Variants in ZPBP observed in about 807,000 individuals in gnomAD.
ZPBP encodes the protein zona pellucida-binding protein 1.
ZPBP carries 26 observed loss-of-function variants against 44.8 expected under a neutral mutation model. The observed-to-expected ratio is 0.58, with a 90% CI of 0.43 to 0.81. The LOEUF is 0.81. Among genes scored for constraint, ZPBP ranks in the 30% least tolerant of loss-of-function variants. The pLI, the probability that ZPBP is intolerant of heterozygous loss-of-function variation, is 0.00. For synonymous variants in ZPBP, 174 were observed against 153.2 expected (o/e 1.14, Z -1.00); for missense variants, 409 against 434.0 (o/e 0.94, Z 0.51).
rs576387344 is a variant in ZPBP, at chr7:50,076,036, G to T, written c.334+5738C>A. Among the ~76,000 whole-genome samples the T allele has an allele frequency of 3.3e-5, 5 of 151,596 alleles. No homozygotes were observed. In the South Asian group the frequency reaches 1.0e-3, roughly 31 times the overall value. On this transcript the variant is annotated intron_variant, in intron 3 of 7. Transcript: ENST00000046087. The stretch of plus-strand genomic sequence containing the variant: ...ACTAGCAAACTGAATTCAACAAAAG[G>T]TTAGAAAGATCATTTATCATTACCA...
chr7:49,994,857 C>T (rs556511053), intron 6 of ZPBP, among the ~76,000 whole-genome samples: 26 of 152,220 alleles, frequency 1.7e-4, no homozygotes, highest in African/African-American at 6.3e-4. Context: ...GTTCTGGGCC[C>T]ATCAAACCTA....
Position 50,053,362 on chromosome 7 carries a change from T to C in ZPBP, c.487+4627A>G, listed in dbSNP as rs139842077. 1.1e-4 allele frequency among the ~76,000 whole-genome samples: 16 copies of C among 152,300 alleles called. No individual in the cohort carries two copies. The East Asian group carries it at 2.5e-3, about 24-fold the overall frequency. On this transcript the variant is annotated intron_variant, in intron 4 of 7. Transcript: ENST00000046087. ...CCTTAAATTATTGAAAACTTAGTAA[T>C]TGCTGAACATATAATAACCTTTCCT... is the stretch of plus-strand genomic sequence containing the variant.
intron 2 of ZPBP, among the ~76,000 whole-genome samples, chr7:50,089,346 C>A (rs979534307): frequency 6.6e-6 from 1 of 152,034 alleles, no homozygotes; most frequent in Non-Finnish European, 1.5e-5. Flanking sequence ...GCACTATATA[C>A]ATTTAATATT....
intron 5 of ZPBP, among the ~76,000 whole-genome samples, chr7:50,028,597 A>T (rs1398302865): frequency 6.6e-6 from 1 of 151,496 alleles, no homozygotes; most frequent in African/African-American, 2.4e-5. Flanking sequence ...GATTTCACAC[A>T]CACAAAAAAA....
At chr7:50,049,376 A>G (rs1800569767) in intron 4 of ZPBP, among the ~76,000 whole-genome samples, 1 of 152,076 alleles carries the variant, frequency 6.6e-6, no homozygotes, top group Non-Finnish European at 1.5e-5. Flanking sequence ...ATATACCAGT[A>G]TCTCTTATGA....
At chr7:49,949,148 G>A (rs936811587) in intron 7 of ZPBP, among the ~76,000 whole-genome samples, 2 of 152,128 alleles carry the variant, frequency 1.3e-5, no homozygotes, top group Admixed American at 1.3e-4. Context: ...AATACCAGAA[G>A]GTGGCTGTCT....
At chr7:50,018,122 G>T (rs911673920) in intron 6 of ZPBP, 118 bp downstream of exon 6, 5 of 726,300 alleles carry the variant, frequency 6.9e-6, no homozygotes, top group African/African-American at 5.3e-5. Context: ...TATTTTTATT[G>T]TTGAAATCCT....
At chr7:50,067,149 T>C (rs1250018238) in intron 3 of ZPBP, among the ~76,000 whole-genome samples, 1 of 152,112 alleles carries the variant, frequency 6.6e-6, no homozygotes, top group African/African-American at 2.4e-5. Context: ...TAACCATGCA[T>C]CTTTTGCATG....
Position 49,937,586 on chromosome 7 carries a change from C to T in ZPBP, c.998G>A (p.Gly333Glu), listed in dbSNP as rs1237274686. ...CSPGSYNPRDGIHCLQCNSSL... is the reference protein window; with the variant it reads ...CSPGSYNPRDEIHCLQCNSSL... ...GCTATTGCATTGAAGGCAATGAATT[C>T]CATCACGGGGGTTATATGATCCAGG... Residue 333 changes from glycine (G) to glutamate (E), a missense_variant, in exon 8 of 8, where the codon GGA (glycine) becomes GAA (glutamate). This residue lies in a region of ZPBP where 42 missense variants were observed against 71.0 expected (regional missense o/e 0.59). Transcript: ENST00000046087. 1.2e-6 allele frequency: 2 copies of T among 1,613,696 alleles called. No homozygotes were observed. Among genetic ancestry groups the T allele is most frequent in the African/African-American group, 1.3e-5 (1 of 74,864 alleles).
In ZPBP at chr7:50,021,026, G is replaced by T. The variant is rs1331624849; in HGVS notation, c.707-2710C>A. 2.0e-5 allele frequency among the ~76,000 whole-genome samples: 3 copies of T among 151,884 alleles called. No individual in the cohort carries two copies. The East Asian group carries it at 5.8e-4, about 29-fold the overall frequency. The stretch of plus-strand genomic sequence containing the variant: ...AAACAACTACAACTCATACAAGCAA[G>T]AAACATACACACTGAAGAGGCAGAA... On this transcript the variant is annotated intron_variant, in intron 5 of 7. Coordinates refer to ENST00000046087, the MANE Select transcript of ZPBP (RefSeq NM_007009.3).
At chr7:49,878,150 A>G (rs949269038) in intron 2 of ZPBP, among the ~76,000 whole-genome samples, 1 of 151,962 alleles carries the variant, frequency 6.6e-6, no homozygotes, top group Non-Finnish European at 1.5e-5. Flanking sequence ...CCTGGGCCAC[A>G]CTCAGGCTTC....
chr7:50,065,647 T>C (rs1801467987), intron 3 of ZPBP, among the ~76,000 whole-genome samples: 1 of 150,860 alleles, frequency 6.6e-6, no homozygotes, highest in Admixed American at 6.6e-5. Context: ...GCCACTGGTC[T>C]CCCATTTTTG....
At chr7:49,886,051 G>A (rs2128728724) in intron 2 of ZPBP, among the ~76,000 whole-genome samples, 1 of 152,356 alleles carries the variant, frequency 6.6e-6, no homozygotes, top group South Asian at 2.1e-4. Context: ...AAAGCAGTGT[G>A]TGCAAGAGCC....
chr7:49,877,866 A>G (rs1228915060), intron 2 of ZPBP, among the ~76,000 whole-genome samples: 2 of 151,968 alleles, frequency 1.3e-5, no homozygotes, highest in African/African-American at 2.4e-5. Context: ...AGCAACTGCC[A>G]CTTTGTCATC....
chr7:49,962,975 G>GA (rs1795914892), intron 7 of ZPBP, among the ~76,000 whole-genome samples: 1 of 151,298 alleles, frequency 6.6e-6, no homozygotes, highest in Non-Finnish European at 1.5e-5. Flanking sequence ...AGCACATAGA[G>GA]AGACCTGTTT....
At chr7:49,969,874 G>C (rs1796228044) in intron 7 of ZPBP, among the ~76,000 whole-genome samples, 1 of 151,702 alleles carries the variant, frequency 6.6e-6, no homozygotes, top group Non-Finnish European at 1.5e-5. Context: ...GACAGAGACA[G>C]AGACAATGAC....
At chr7:49,864,954 G>C (rs1032152039) in intron 2 of ZPBP, among the ~76,000 whole-genome samples, 1 of 152,158 alleles carries the variant, frequency 6.6e-6, no homozygotes, top group Non-Finnish European at 1.5e-5. Context: ...GACAGTTCCT[G>C]TTTGTTTTTC....
chr7:50,070,453 C>T (rs1801780753), intron 3 of ZPBP, among the ~76,000 whole-genome samples: 1 of 152,190 alleles, frequency 6.6e-6, no homozygotes, highest in Non-Finnish European at 1.5e-5. Context: ...CGCAGGAGAG[C>T]CAGTTTTCAT....
Position 50,058,105 on chromosome 7 carries a change from C to T in ZPBP, c.371G>A (p.Ser124Asn), listed in dbSNP as rs755454432. Residue 124 changes from serine to asparagine, a missense_variant, in exon 4 of 8, where the codon AGC (serine) becomes AAC (asparagine). Ser to Asn is a conservative substitution (Grantham distance 46). Coordinates refer to ENST00000046087, the MANE Select transcript of ZPBP (RefSeq NM_007009.3). ...NRTAQITSTGSLVFQNFEESM... is the reference protein window; with the variant it reads ...NRTAQITSTGNLVFQNFEESM... The stretch of plus-strand genomic sequence containing the variant: ...CTCCTCAAAATTTTGGAATACAAGG[C>T]TTCCTGTGGATGTTATTTGTGCAGT... The T allele has an allele frequency of 2.5e-6, 4 of 1,613,720 alleles. No homozygotes were observed. The highest frequency in any genetic ancestry group is 2.7e-5 in the African/African-American group (2 of 74,892).
Sources: gnomAD v4.1 joint callset for allele counts (sites outside exome capture counted in the v4.1 genomes callset) on GRCh38, gnomAD v4.1.1 for gene constraint, gnomAD v4.1.1 regional missense constraint, MANE v1.5 for transcripts, NCBI Gene and HGNC (gene_info 2026-07-23, HGNC 2026-07-21) for gene names.